HDAC7: variants seen among roughly 807,000 people sequenced by gnomAD.
The protein encoded by HDAC7 is histone deacetylase 7A.
Under a neutral mutation model 115.5 loss-of-function variants are expected in HDAC7, and 26 were observed. The observed-to-expected ratio is 0.23, with a 90% confidence interval of 0.16 to 0.31. The LOEUF (loss-of-function observed/expected upper bound fraction) is 0.31. Among genes scored for constraint, HDAC7 ranks in the 10% least tolerant of loss-of-function variants. HDAC7 has a pLI of 1.00. For missense variants in HDAC7, 1,068 were observed against 1,329.0 expected, an observed-to-expected ratio of 0.80 and a Z score of 3.05; for synonymous variants, 564 against 550.9, an observed-to-expected ratio of 1.02 and a Z score of -0.33.
Position 47,791,889 on chromosome 12 carries a change from C to G in HDAC7, c.1794G>C (p.Gly598=), listed in dbSNP as rs766201411. ...TCCTCACCTCACACTGGCTCCGGAG[C>G]CCCCGCTCCTGCAGCCGGGACCAGA... ...QSIWSRLQER[G]LRSQCECLRG... Residue 598 remains glycine (G), a synonymous_variant, in exon 14 of 26, where the codon GGG becomes GGC. Coordinates refer to ENST00000080059, the MANE Select transcript of HDAC7 (RefSeq NM_015401.5). 1 of 1,610,944 alleles carries G rather than the reference C, an allele frequency of 6.2e-7. No homozygotes were observed. Among genetic ancestry groups the G allele is most frequent in the Non-Finnish European group, 8.5e-7 (1 of 1,179,396 alleles).
In HDAC7 at chr12:47,797,239, A is replaced by G; in HGVS notation, c.578-97T>C. 4 of 1,564,004 alleles carry G rather than the reference A, an allele frequency of 2.6e-6. No homozygotes were observed. ...AGTCATCTCTATCGGTCAAGGAAAG[A>G]GAAGGCAGAACTAGAAAGAAGATCC... On this transcript the variant is annotated intron_variant, in intron 6 of 25. Coordinates refer to ENST00000080059, the MANE Select transcript of HDAC7 (RefSeq NM_015401.5). The surrounding 1 kb of genome is among the most constrained non-coding windows in gnomAD (Gnocchi z 5.5).
chr12:47,811,378 C>T (rs1318652770), intron 1 of HDAC7, among the ~76,000 whole-genome samples: 2 of 152,266 alleles, frequency 1.3e-5, no homozygotes, highest in South Asian at 2.1e-4. Context: ...GTCCTGGGTA[C>T]TGATTTGGAC....
Position 47,789,358 on chromosome 12 carries a change from G to C in HDAC7, c.2148-10C>G. On this transcript the variant is annotated splice_polypyrimidine_tract_variant and intron_variant, in intron 18 of 25. Transcript: ENST00000080059. ...GAAGAAGCAGAAGCCCCTGGAAGGA[G>C]AGACAGGTCCTGCCAGCCCATTCTC... The C allele has an allele frequency of 6.2e-7, 1 of 1,611,906 alleles. No homozygotes were observed. The highest frequency in any genetic ancestry group is 8.5e-7 in the Non-Finnish European group (1 of 1,178,206).
chr12:47,790,927 G>A (rs552350765), intron 16 of HDAC7: 13 of 430,094 alleles, frequency 3.0e-5, no homozygotes, highest in Admixed American at 1.6e-4. Context: ...GCAGCCTGGC[G>A]GCCAATGCCC....
At chr12:47,791,731 G>A in intron 14 of HDAC7, 25 bp from the exon 15 acceptor site, 2 of 1,612,232 alleles carry the variant, frequency 1.2e-6, no homozygotes, top group Non-Finnish European at 1.7e-6. Flanking sequence ...ACAGAGCTCT[G>A]AGCTCATGCT....
intron 1 of HDAC7, among the ~76,000 whole-genome samples, chr12:47,814,429 C>G: frequency 6.6e-6 from 1 of 152,348 alleles, no homozygotes; most frequent in Non-Finnish European, 1.5e-5. Flanking sequence ...AGTTCCCCAA[C>G]TGGGGAGATG....
chr12:47,791,010 A>G (rs2525041), intron 16 of HDAC7: 407,070 of 574,814 alleles, frequency 0.71, 148,028 homozygotes, highest in East Asian at 0.99. Context: ...ACCTCACTCA[A>G]CATCTACCAG....
chr12:47,818,481 C>T (rs1423736661), intron 1 of HDAC7, among the ~76,000 whole-genome samples: 1 of 152,202 alleles, frequency 6.6e-6, no homozygotes, highest in Non-Finnish European at 1.5e-5. Flanking sequence ...GCCTAGCAGC[C>T]TATGGAGTCC....
chr12:47,792,228 C>T (rs1943570856), intron 13 of HDAC7: 2 of 567,570 alleles, frequency 3.5e-6, no homozygotes, highest in African/African-American at 3.8e-5. Context: ...TGGCAGCAGC[C>T]AACACATCAA....
intron 1 of HDAC7, among the ~76,000 whole-genome samples, chr12:47,812,034 C>T (rs1565587637): frequency 6.6e-6 from 1 of 152,236 alleles, no homozygotes; most frequent in Non-Finnish European, 1.5e-5. Flanking sequence ...AAGGGAAGGG[C>T]TAAAATAAAG....
intron 8 of HDAC7, 66 bp downstream of exon 8, chr12:47,796,141 C>T (rs757528720): frequency 2.3e-5 from 36 of 1,532,204 alleles, no homozygotes; most frequent in East Asian, 1.4e-4. Flanking sequence ...CAGGTAGGGC[C>T]GCCTGCTGGA....
rs114997247 is a variant in HDAC7, at chr12:47,797,780, G to T, written c.462-281C>A. Among the ~76,000 whole-genome samples the T allele has an allele frequency of 5.9e-4, 90 of 152,154 alleles. 1 individual carries two copies. Among genetic ancestry groups the T allele is most frequent in the African/African-American group, 2.0e-3 (83 of 41,502 alleles). On this transcript the variant is annotated intron_variant, in intron 5 of 25. Coordinates refer to ENST00000080059, the MANE Select transcript of HDAC7 (RefSeq NM_015401.5). The surrounding 1 kb of genome is among the most constrained non-coding windows in gnomAD (Gnocchi z 5.5). ...GTCACCTGCACTAGGAACCTGCTCT[G>T]GGAACCAGGACATTTTTGCGCTCAG...
Position 47,819,808 on chromosome 12 carries a change from C to T in HDAC7, c.-23G>A. 7.2e-6 allele frequency: 1 copy of T among 137,946 alleles called. No individual in the cohort carries two copies. Among genetic ancestry groups the T allele is most frequent in the Non-Finnish European group, 1.0e-5 (1 of 99,806 alleles). The allele number at this position is 137,946 out of a possible 1,614,324, so 8.5% of individuals were successfully genotyped here. On this transcript the variant is annotated 5_prime_UTR_variant, in exon 1 of 26. Coordinates refer to ENST00000080059, the MANE Select transcript of HDAC7 (RefSeq NM_015401.5). ...CATCCAGGGGCCGGGGCCCTCAGAG[C>T]GGGGGGCTCATGGCGGGGCGGGGGG...
Position 47,819,771 on chromosome 12 carries a change from G to T in HDAC7, c.15C>A (p.Gly5=). The change falls in exon 1 of 26, where the codon GGC becomes GGA. Residue 5 remains glycine (G), a synonymous_variant. Transcript: ENST00000080059. ...GGGCGGCCGCCCAGTACTCACCAGCGCCGGGGCTGTGCATCCAGGGGCCGG... is the reference window on the plus strand; with the variant it reads ...GGGCGGCCGCCCAGTACTCACCAGCTCCGGGGCTGTGCATCCAGGGGCCGG... MHSP[G]ADGTQVSPGA... 3.5e-6 allele frequency: 3 copies of T among 846,350 alleles called. No homozygotes were observed. Among genetic ancestry groups the T allele is most frequent in the Non-Finnish European group, 4.4e-6 (3 of 689,528 alleles). The allele number at this position is 846,350 out of a possible 1,614,324, so 52.4% of individuals were successfully genotyped here.
At chr12:47,789,497 C>A (rs761413521) in intron 18 of HDAC7, 26 bp downstream of exon 18, 2 of 1,612,796 alleles carry the variant, frequency 1.2e-6, no homozygotes, top group Non-Finnish European at 1.7e-6. Flanking sequence ...CCACCTCATC[C>A]CACCCAGGTC....
Position 47,794,202 on chromosome 12 carries a change from C to T in HDAC7, c.1458+558G>A, listed in dbSNP as rs542634968. Among the ~76,000 whole-genome samples the T allele has an allele frequency of 4.6e-5, 7 of 152,318 alleles. No homozygotes were observed. The East Asian group carries it at 1.3e-3, about 29-fold the overall frequency. ...CCATCCACAAGCCAAGGAGAGAGAC[C>T]GGGAACAGCCCCTGCCCTCACACTC... On this transcript the variant is annotated intron_variant, in intron 12 of 25. Coordinates refer to ENST00000080059, the MANE Select transcript of HDAC7 (RefSeq NM_015401.5).
chr12:47,788,223 T>C, intron 19 of HDAC7, 59 bp from the exon 20 acceptor site: 1 of 1,532,152 alleles, frequency 6.5e-7, no homozygotes, highest in Middle Eastern at 1.8e-4. Context: ...CAGGACAGGT[T>C]AGAAGGGTTT....
In HDAC7 at chr12:47,819,748, G is replaced by A. The variant is rs1003277989; in HGVS notation, c.19+19C>T. ...TGCCGCGCGCAGGGCGGGGCGGGGGGCGGCCGCCCAGTACTCACCAGCGCC... is the reference window on the plus strand; with the variant it reads ...TGCCGCGCGCAGGGCGGGGCGGGGGACGGCCGCCCAGTACTCACCAGCGCC... On this transcript the variant is annotated intron_variant, in intron 1 of 25. Coordinates refer to ENST00000080059, the MANE Select transcript of HDAC7 (RefSeq NM_015401.5). 41 of 835,184 alleles carry A rather than the reference G, an allele frequency of 4.9e-5. No individual in the cohort carries two copies. The African/African-American group carries it at 5.3e-4, about 11-fold the overall frequency. The allele number at this position is 835,184 out of a possible 1,614,324, so 51.7% of individuals were successfully genotyped here. A position where few individuals can be genotyped will look rare whatever the true frequency, so the allele number is the denominator to read the frequency against.
At chr12:47,813,529 C>T (rs1319813261) in intron 1 of HDAC7, 1 of 152,302 alleles carries the variant, frequency 6.6e-6, no homozygotes, top group African/African-American at 2.4e-5. Flanking sequence ...TTGGAGTTCC[C>T]CTACGGATCC....
Sources: gnomAD v4.1 joint callset for allele counts (sites outside exome capture counted in the v4.1 genomes callset) on GRCh38, gnomAD v4.1.1 for gene constraint, Gnocchi (gnomAD v3.1) non-coding constraint, MANE v1.5 for transcripts, NCBI Gene and HGNC (gene_info 2026-07-23, HGNC 2026-07-21) for gene names.